Variants in EXOC6B observed in about 807,000 individuals in gnomAD.
EXOC6B encodes SEC15 homolog B.
EXOC6B carries 54 observed loss-of-function variants against 113.5 expected under a neutral mutation model. The observed-to-expected ratio is 0.48, with a 90% CI of 0.38 to 0.60. The LOEUF (loss-of-function observed/expected upper bound fraction) is 0.60, where lower values mean the gene tolerates loss of function less well. EXOC6B is among the 20% of genes least tolerant of loss of function. EXOC6B has a pLI of 0.00. For synonymous variants in EXOC6B, 357 were observed against 339.0 expected, an observed-to-expected ratio of 1.05 and a Z score of -0.58; for missense variants, 797 against 977.5, an observed-to-expected ratio of 0.82 and a Z score of 2.46.
intron 6 of EXOC6B, among the ~76,000 whole-genome samples, chr2:72,589,402 C>A (rs1156434654): frequency 2.0e-5 from 3 of 151,910 alleles, no homozygotes; most frequent in Non-Finnish European, 4.4e-5. Context: ...TAATTTATTT[C>A]ATTTCCTTCT....
intron 20 of EXOC6B, among the ~76,000 whole-genome samples, chr2:72,298,936 C>A (rs1042650758): frequency 1.3e-5 from 2 of 152,060 alleles, no homozygotes; most frequent in African/African-American, 2.4e-5. Flanking sequence ...TCATTTCAAC[C>A]TTGGTGAATC....
intron 20 of EXOC6B, among the ~76,000 whole-genome samples, chr2:72,202,452 A>T (rs767883465): frequency 6.6e-6 from 1 of 152,188 alleles, no homozygotes; most frequent in Non-Finnish European, 1.5e-5. Context: ...TCCCAACCCC[A>T]GAACCATCAT....
At chr2:72,208,112 G>C (rs1029895247) in intron 20 of EXOC6B, among the ~76,000 whole-genome samples, 22 of 152,032 alleles carry the variant, frequency 1.4e-4, no homozygotes, top group Non-Finnish European at 1.0e-4. Flanking sequence ...TTAGATACAG[G>C]GGGTATATGT....
chr2:72,670,260 C>T (rs933868188), intron 6 of EXOC6B, among the ~76,000 whole-genome samples: 1 of 152,030 alleles, frequency 6.6e-6, no homozygotes, highest in African/African-American at 2.4e-5. Context: ...AAATTATTTT[C>T]ATTTTATTTC....
chr2:72,443,695 G>C (rs989096083), intron 18 of EXOC6B, among the ~76,000 whole-genome samples: 1 of 152,170 alleles, frequency 6.6e-6, no homozygotes, highest in African/African-American at 2.4e-5. Context: ...GCAGACAAGA[G>C]AGAATATGTG....
At chr2:72,417,265 C>T (rs568128192) in intron 18 of EXOC6B, among the ~76,000 whole-genome samples, 2 of 152,182 alleles carry the variant, frequency 1.3e-5, no homozygotes, top group South Asian at 4.1e-4. Context: ...GCGACCTCTT[C>T]TCACCCCTCC....
intron 6 of EXOC6B, among the ~76,000 whole-genome samples, chr2:72,683,064 A>G (rs889296920): frequency 6.6e-6 from 1 of 152,218 alleles, no homozygotes; most frequent in East Asian, 1.9e-4. Context: ...CAGACAAAGG[A>G]ACAGCAATAA....
rs138793756 is a variant in EXOC6B at position 72,302,645 on chromosome 2, C to T, written c.2196+32302G>A. On this transcript the variant is annotated intron_variant, in intron 20 of 21. Coordinates refer to ENST00000272427, the MANE Select transcript of EXOC6B (RefSeq NM_015189.3). ...TCTGTTTTGTCTAAAATTAGGATTGCGGTGCCTGTTTTTTCTGATTTCCAT... is the reference window on the plus strand; with the variant it reads ...TCTGTTTTGTCTAAAATTAGGATTGTGGTGCCTGTTTTTTCTGATTTCCAT... Among the ~76,000 whole-genome samples, 398 of 152,110 alleles carry T rather than the reference C, an allele frequency of 2.6e-3. 1 individual carries two copies. Among genetic ancestry groups the T allele is most frequent in the Non-Finnish European group, 4.6e-3 (316 of 67,996 alleles).
chr2:72,564,891 A>G (rs1415050196), intron 7 of EXOC6B, among the ~76,000 whole-genome samples: 1 of 152,202 alleles, frequency 6.6e-6, no homozygotes, highest in Non-Finnish European at 1.5e-5. Context: ...AATTATTAGG[A>G]TTCTTTCTGA....
chr2:72,394,118 C>T (rs1692569899), intron 18 of EXOC6B, among the ~76,000 whole-genome samples: 1 of 152,028 alleles, frequency 6.6e-6, no homozygotes, highest in Admixed American at 6.6e-5. Flanking sequence ...ATGTTAAGTA[C>T]TTAGTCAATA....
At chr2:72,229,082 T>C (rs562571076) in intron 20 of EXOC6B, among the ~76,000 whole-genome samples, 201 of 152,344 alleles carry the variant, frequency 1.3e-3, no homozygotes, top group African/African-American at 4.6e-3. Flanking sequence ...AAGTGTCTGT[T>C]CATATCCTTC....
chr2:72,386,606 G>C (rs1459976996), intron 18 of EXOC6B, among the ~76,000 whole-genome samples: 1 of 152,236 alleles, frequency 6.6e-6, no homozygotes, highest in Non-Finnish European at 1.5e-5. Context: ...CATAGGTACA[G>C]CTCAGGCTGC....
At chr2:72,617,238 A>T (rs1011595609) in intron 6 of EXOC6B, among the ~76,000 whole-genome samples, 1 of 151,958 alleles carries the variant, frequency 6.6e-6, no homozygotes, top group Non-Finnish European at 1.5e-5. Flanking sequence ...GCTGGTGTTG[A>T]GTGTCTGTGG....
intron 6 of EXOC6B, among the ~76,000 whole-genome samples, chr2:72,606,302 C>G (rs1428765469): frequency 6.6e-6 from 1 of 151,824 alleles, no homozygotes; most frequent in African/African-American, 2.4e-5. Context: ...TTTTATATAC[C>G]ACCACTGCAT....
intron 20 of EXOC6B, among the ~76,000 whole-genome samples, chr2:72,298,065 T>C (rs895413652): frequency 6.6e-6 from 1 of 152,204 alleles, no homozygotes; most frequent in Non-Finnish European, 1.5e-5. Flanking sequence ...GTCTCATTGA[T>C]CTGTCTAATA....
chr2:72,513,038 C>A, intron 11 of EXOC6B, 94 bp downstream of exon 11: 1 of 1,413,688 alleles, frequency 7.1e-7, no homozygotes, highest in Non-Finnish European at 9.6e-7. Context: ...TGAGTGATTC[C>A]AAAGACATAC....
intron 18 of EXOC6B, chr2:72,462,412 G>C (rs1366235947): frequency 6.6e-6 from 1 of 151,934 alleles, no homozygotes; most frequent in Non-Finnish European, 1.5e-5. Context: ...TGAAATGTTT[G>C]AGCCTTGCCA....
intron 1 of EXOC6B, among the ~76,000 whole-genome samples, chr2:72,744,295 T>A (rs565862032): frequency 6.6e-6 from 1 of 152,328 alleles, no homozygotes; most frequent in South Asian, 2.1e-4. Context: ...CCAGTCAAGA[T>A]TCTGAACACT....
intron 6 of EXOC6B, among the ~76,000 whole-genome samples, chr2:72,664,537 T>A (rs554957131): frequency 1.3e-5 from 2 of 152,186 alleles, no homozygotes; most frequent in African/African-American, 4.8e-5. Flanking sequence ...GGCAGAGGCA[T>A]AACTCCAACC....
Sources: allele counts gnomAD v4.1 joint callset (sites outside exome capture counted in the v4.1 genomes callset), GRCh38; gene constraint gnomAD v4.1.1; transcripts MANE v1.5; gene names NCBI Gene and HGNC (gene_info 2026-07-23, HGNC 2026-07-21).